The following SHROOM2 variants were observed in gnomAD, a reference collection of about 807,000 sequenced individuals.
SHROOM2 encodes protein Shroom2.
In SHROOM2, 33 loss-of-function variants were observed where a neutral mutation model predicts 75.9. That is an observed-to-expected ratio of 0.43 (90% CI 0.33 to 0.58). The LOEUF is 0.58. SHROOM2 is among the 20% of genes least tolerant of loss of function. SHROOM2 has a pLI of 0.04. For synonymous variants in SHROOM2, 655 were observed against 663.6 expected, an observed-to-expected ratio of 0.99 and a Z score of 0.20; for missense variants, 1,434 against 1,461.2, an observed-to-expected ratio of 0.98 and a Z score of 0.30.
chrX:9,855,966 C>G (rs1055875917), intron 1 of SHROOM2, among the ~76,000 whole-genome samples: 1 of 109,007 alleles, frequency 9.2e-6, no homozygotes, highest in African/African-American at 3.3e-5. Flanking sequence ...GTGCTGCTGT[C>G]TCAGAAGAAT....
At chrX:9,866,034 C>T (rs1297062657) in intron 1 of SHROOM2, among the ~76,000 whole-genome samples, 2 of 108,340 alleles carry the variant, frequency 1.8e-5, no homozygotes, top group African/African-American at 3.4e-5. Context: ...CTGGATGCAC[C>T]GCAACTCCCT....
intron 1 of SHROOM2, among the ~76,000 whole-genome samples, chrX:9,847,861 C>T (rs1297556446): frequency 1.8e-5 from 2 of 111,864 alleles, no homozygotes; most frequent in Non-Finnish European, 3.8e-5. Context: ...CTCTGATTTA[C>T]TCGTGTTGTA....
chrX:9,825,886 G>C (rs1353441386), intron 1 of SHROOM2, among the ~76,000 whole-genome samples: 2 of 112,294 alleles, frequency 1.8e-5, no homozygotes, highest in Non-Finnish European at 3.8e-5. Flanking sequence ...TGGAATGCAA[G>C]CCAGTGGATC....
In SHROOM2 at chrX:9,872,519, G is replaced by A. The variant is rs147201525; in HGVS notation, c.166-1133G>A. Among the ~76,000 whole-genome samples, 37 of 111,257 alleles carry A rather than the reference G, an allele frequency of 3.3e-4. No homozygotes were observed. In the East Asian group the frequency reaches 9.6e-3, roughly 29 times the overall value. On this transcript the variant is annotated intron_variant, in intron 1 of 9. Coordinates refer to ENST00000380913, the MANE Select transcript of SHROOM2 (RefSeq NM_001649.4). ...GCAGAGGTTGCAGTGAGCCGAGATCGCACCACTGCACTGCAGCCTGGGTGA... is the reference window on the plus strand; with the variant it reads ...GCAGAGGTTGCAGTGAGCCGAGATCACACCACTGCACTGCAGCCTGGGTGA...
chrX:9,882,574 C>T (rs1003191210), intron 2 of SHROOM2, among the ~76,000 whole-genome samples: 1 of 111,359 alleles, frequency 9.0e-6, no homozygotes, highest in East Asian at 2.8e-4. Context: ...ACAAGTCATT[C>T]GGGTCTGCTC....
At chrX:9,921,306 GTATAATTGACA>G (rs1281379142) in intron 5 of SHROOM2, among the ~76,000 whole-genome samples, 2 of 111,949 alleles carry the variant, frequency 1.8e-5, no homozygotes, top group Admixed American at 9.5e-5. Flanking sequence ...ATTTATTGAG[GTATAATTGACA>G]TATAAAAGGC....
intron 1 of SHROOM2, among the ~76,000 whole-genome samples, chrX:9,808,937 T>C (rs1350298078): frequency 9.0e-6 from 1 of 110,723 alleles, no homozygotes; most frequent in Non-Finnish European, 1.9e-5. Context: ...TACAGTTTAG[T>C]GGTATTTTTT....
intron 1 of SHROOM2, among the ~76,000 whole-genome samples, chrX:9,796,021 TC>T (rs2083693507): frequency 9.0e-6 from 1 of 111,427 alleles, no homozygotes; most frequent in Non-Finnish European, 1.9e-5. Context: ...TAATCAGTAA[TC>T]CTCTGTCTGT....
At chrX:9,830,023 C>A (rs1330015832) in intron 1 of SHROOM2, among the ~76,000 whole-genome samples, 1 of 111,246 alleles carries the variant, frequency 9.0e-6, no homozygotes, top group African/African-American at 3.3e-5. Flanking sequence ...CAGATTCACA[C>A]TGGCATGTCT....
intron 1 of SHROOM2, among the ~76,000 whole-genome samples, chrX:9,795,563 T>A (rs2083690819): frequency 9.0e-6 from 1 of 111,668 alleles, no homozygotes; most frequent in African/African-American, 3.3e-5. Flanking sequence ...TTGTTTTGGC[T>A]GCTTTCTTCC....
At chrX:9,914,788 G>C (rs746282621) in intron 5 of SHROOM2, among the ~76,000 whole-genome samples, 9 of 112,283 alleles carry the variant, frequency 8.0e-5, no homozygotes, top group South Asian at 7.4e-4. Context: ...CAACCAGTTA[G>C]TGAAGAGCCC....
intron 5 of SHROOM2, among the ~76,000 whole-genome samples, chrX:9,914,380 G>A (rs751232051): frequency 1.8e-5 from 2 of 109,572 alleles, no homozygotes; most frequent in East Asian, 5.8e-4. Flanking sequence ...TATTTTATGT[G>A]GCCTTTGGAA....
rs375527730 is a variant in SHROOM2, at chrX:9,932,625, C to T, written c.3342C>T (p.Ser1114=). 5.8e-5 allele frequency: 70 copies of T among 1,209,749 alleles called. No homozygotes were observed. The African/African-American group carries it at 1.1e-3, about 19-fold the overall frequency. The change falls in exon 6 of 10, where the codon AGC becomes AGT. Residue 1114 remains serine (S), a synonymous_variant. Coordinates refer to ENST00000380913, the MANE Select transcript of SHROOM2 (RefSeq NM_001649.4). The stretch of plus-strand genomic sequence containing the variant: ...TGGCCCGCCTGTCCCTCTCCCACAG[C>T]CCCTCTGTGTTCAGCAGTGCCCAGC... ...VYVARLSLSH[S]PSVFSSAQPQ...
Position 9,896,380 on chromosome X carries a change from C to A in SHROOM2, c.2472C>A (p.Asp824Glu). 8.2e-7 allele frequency: 1 copy of A among 1,212,464 alleles called. No homozygotes were observed. Among genetic ancestry groups the A allele is most frequent in the Non-Finnish European group, 1.1e-6 (1 of 895,700 alleles). Reference sequence around the variant, plus strand: ...AAGCTCTTCACGGAATCCCGAGAGACAAGCCAGAGAGGCCGCGGACAGCGG... The same window carrying A: ...AAGCTCTTCACGGAATCCCGAGAGAAAAGCCAGAGAGGCCGCGGACAGCGG... The part of the protein sequence containing the change: ...QKQALHGIPR[D>E]KPERPRTAGR... The change falls in exon 4 of 10, where the codon GAC (aspartate) becomes GAA (glutamate). Residue 824 changes from aspartate to glutamate, a missense_variant. By Grantham distance (45) the Asp-to-Glu change is conservative (BLOSUM62 2). This residue lies in a region of SHROOM2 where 1,340 missense variants were observed against 1,338.3 expected (regional missense o/e 1.00). Coordinates refer to ENST00000380913, the MANE Select transcript of SHROOM2 (RefSeq NM_001649.4).
intron 5 of SHROOM2, among the ~76,000 whole-genome samples, chrX:9,925,550 C>T (rs2084586445): frequency 8.9e-6 from 1 of 112,509 alleles, no homozygotes; most frequent in African/African-American, 3.2e-5. Context: ...GTTCCATGCT[C>T]ATGGAAACCT....
At chrX:9,914,431 A>G (rs6640557) in intron 5 of SHROOM2, among the ~76,000 whole-genome samples, 30,164 of 108,609 alleles carry the variant, frequency 0.28, 3,341 homozygotes, top group East Asian at 0.65. Context: ...TACCTCTCAT[A>G]TGCATTAAAT....
chrX:9,864,167 G>T (rs917524937), intron 1 of SHROOM2, among the ~76,000 whole-genome samples: 1 of 110,877 alleles, frequency 9.0e-6, no homozygotes, highest in Admixed American at 9.7e-5. Flanking sequence ...TTCCCCAAGC[G>T]CCGGTACCTT....
chrX:9,922,120 C>T (rs960150848), intron 5 of SHROOM2, among the ~76,000 whole-genome samples: 2 of 111,972 alleles, frequency 1.8e-5, no homozygotes, highest in Admixed American at 1.9e-4. Context: ...GTGACATAGT[C>T]ATGGCTCAGT....
intron 1 of SHROOM2, among the ~76,000 whole-genome samples, chrX:9,867,474 C>G (rs987725452): frequency 1.8e-5 from 2 of 111,574 alleles, no homozygotes; most frequent in Non-Finnish European, 3.8e-5. Flanking sequence ...TCATTTGTGG[C>G]TCTGGCACTC....
Sources: allele counts gnomAD v4.1 joint callset (sites outside exome capture counted in the v4.1 genomes callset), GRCh38; gene constraint gnomAD v4.1.1; regional missense constraint gnomAD v4.1.1; transcripts MANE v1.5; gene names NCBI Gene and HGNC (gene_info 2026-07-23, HGNC 2026-07-21).